The following PRKD1 variants were observed in gnomAD, a reference collection of about 807,000 sequenced individuals.
PRKD1 encodes serine/threonine-protein kinase D1.
A neutral mutation model predicts 95.9 loss-of-function variants in PRKD1; 63 were observed. That is an observed-to-expected ratio of 0.66 (90% CI 0.54 to 0.81). The LOEUF (loss-of-function observed/expected upper bound fraction) is 0.81. Ranked by LOEUF, PRKD1 falls within the 30% of genes least tolerant of loss-of-function variation. The probability of loss-of-function intolerance (pLI) is 0.00; values close to 1 mark genes in which losing one functional copy is unlikely to be tolerated. For synonymous variants in PRKD1, 425 were observed against 423.1 expected, an observed-to-expected ratio of 1.00 and a Z score of -0.05; for missense variants, 1,048 against 1,165.3, an observed-to-expected ratio of 0.90 and a Z score of 1.47.
intron 1 of PRKD1, among the ~76,000 whole-genome samples, chr14:29,731,733 C>A (rs995551549): frequency 1.3e-5 from 2 of 152,058 alleles, no homozygotes; most frequent in South Asian, 2.1e-4. Flanking sequence ...GAACATATAA[C>A]CATTTTAAAC....
chr14:29,618,317 A>G (rs1390178548), intron 13 of PRKD1, among the ~76,000 whole-genome samples: 1 of 148,670 alleles, frequency 6.7e-6, no homozygotes, highest in Non-Finnish European at 1.5e-5. Flanking sequence ...CAGTGGTATG[A>G]TCTCTCCTCA....
intron 1 of PRKD1, among the ~76,000 whole-genome samples, chr14:29,740,239 T>C (rs1014572949): frequency 6.6e-6 from 1 of 152,294 alleles, no homozygotes. Flanking sequence ...AAACTGTCAC[T>C]ATAGCACAAT....
At chr14:29,709,860 T>C (rs1162770810) in intron 2 of PRKD1, among the ~76,000 whole-genome samples, 2 of 152,158 alleles carry the variant, frequency 1.3e-5, no homozygotes, top group Non-Finnish European at 2.9e-5. Context: ...CCAATATAAA[T>C]ATTAATCTCA....
chr14:29,590,458 C>A (rs1426855561), intron 16 of PRKD1, among the ~76,000 whole-genome samples: 1 of 152,166 alleles, frequency 6.6e-6, no homozygotes, highest in Non-Finnish European at 1.5e-5. Context: ...TAACACCACT[C>A]ATTCACTCTG....
chr14:29,649,808 G>A (rs1314231083), intron 4 of PRKD1, among the ~76,000 whole-genome samples: 1 of 152,140 alleles, frequency 6.6e-6, no homozygotes, highest in African/African-American at 2.4e-5. Context: ...AATGGAGTGG[G>A]TTTTGACGAT....
chr14:29,639,721 T>C (rs1318848205), intron 4 of PRKD1, among the ~76,000 whole-genome samples: 2 of 151,606 alleles, frequency 1.3e-5, no homozygotes, highest in African/African-American at 4.8e-5. Flanking sequence ...AAAAAATAAA[T>C]ATGATTTTAC....
At chr14:29,822,701 A>T (rs533221998) in intron 1 of PRKD1, among the ~76,000 whole-genome samples, 1 of 152,128 alleles carries the variant, frequency 6.6e-6, no homozygotes, top group Non-Finnish European at 1.5e-5. Flanking sequence ...AAAAATGTAG[A>T]TCTAAGTACA....
chr14:29,704,443 A>G (rs1884982589), intron 2 of PRKD1, among the ~76,000 whole-genome samples: 2 of 152,138 alleles, frequency 1.3e-5, no homozygotes, highest in Admixed American at 1.3e-4. Context: ...TTTACAACAC[A>G]TTACTATCCT....
At position 29,674,478 on chromosome 14, in the gene PRKD1, G is replaced by A. The variant is rs573647942; in HGVS notation, c.404-8270C>T. The stretch of plus-strand genomic sequence containing the variant: ...GAATGACAAATGCCACAGCTGGAAA[G>A]AGATTAGAGAGCATCTCAGGTCAAG... On this transcript the variant is annotated intron_variant, in intron 2 of 17. Transcript: ENST00000331968. 4.6e-5 allele frequency among the ~76,000 whole-genome samples: 7 copies of A among 152,308 alleles called. No individual in the cohort carries two copies. The East Asian group carries it at 1.4e-3, about 29-fold the overall frequency.
intron 1 of PRKD1, among the ~76,000 whole-genome samples, chr14:29,901,923 G>C (rs1894332873): frequency 6.6e-6 from 1 of 152,120 alleles, no homozygotes; most frequent in African/African-American, 2.4e-5. Flanking sequence ...AAAGCTCTTT[G>C]ACTTTGTACC....
At chr14:29,819,526 T>C (rs769202264) in intron 1 of PRKD1, among the ~76,000 whole-genome samples, 10 of 151,826 alleles carry the variant, frequency 6.6e-5, no homozygotes, top group Non-Finnish European at 1.0e-4. Context: ...CCGTCCCTAC[T>C]AAAAATACAA....
At chr14:29,652,097 A>C (rs551545237) in intron 4 of PRKD1, among the ~76,000 whole-genome samples, 1 of 152,242 alleles carries the variant, frequency 6.6e-6, no homozygotes, top group Admixed American at 6.5e-5. Flanking sequence ...GCAGTCGGTA[A>C]TTAAGGGAGC....
chr14:29,849,267 C>T (rs1230693988), intron 1 of PRKD1, among the ~76,000 whole-genome samples: 1 of 152,196 alleles, frequency 6.6e-6, no homozygotes, highest in Non-Finnish European at 1.5e-5. Flanking sequence ...GACATGCGTG[C>T]CCGCTTCTCA....
intron 1 of PRKD1, among the ~76,000 whole-genome samples, chr14:29,831,719 T>A (rs1226336014): frequency 6.6e-6 from 1 of 152,182 alleles, no homozygotes; most frequent in South Asian, 2.1e-4. Context: ...TCTTACTCTC[T>A]TTTGTTCTCC....
At chr14:29,778,809 A>G (rs577010578) in intron 1 of PRKD1, among the ~76,000 whole-genome samples, 1 of 152,356 alleles carries the variant, frequency 6.6e-6, no homozygotes, top group East Asian at 1.9e-4. Flanking sequence ...TCATCCTGAT[A>G]CCAAAGCCTG....
chr14:29,826,945 A>G (rs1244423761), intron 1 of PRKD1, among the ~76,000 whole-genome samples: 1 of 143,844 alleles, frequency 7.0e-6, no homozygotes, highest in Non-Finnish European at 1.5e-5. Flanking sequence ...ATGGGATTGG[A>G]GACTATTATC....
At chr14:29,887,142 T>C (rs1893738577) in intron 1 of PRKD1, among the ~76,000 whole-genome samples, 1 of 152,190 alleles carries the variant, frequency 6.6e-6, no homozygotes, top group South Asian at 2.1e-4. Flanking sequence ...TATAAAACTT[T>C]CTAGTGGTGG....
intron 14 of PRKD1, 133 bp downstream of exon 14, chr14:29,599,523 C>A: frequency 1.3e-6 from 1 of 791,492 alleles, no homozygotes; most frequent in Non-Finnish European, 1.9e-6. Flanking sequence ...TACAATAAAG[C>A]CACTACAACC....
chr14:29,860,928 C>A (rs946190826), intron 1 of PRKD1, among the ~76,000 whole-genome samples: 2 of 152,154 alleles, frequency 1.3e-5, no homozygotes, highest in South Asian at 4.2e-4. Flanking sequence ...TTTATCTTCC[C>A]CAATTATGGG....
Sources: allele counts gnomAD v4.1 joint callset (sites outside exome capture counted in the v4.1 genomes callset), GRCh38; gene constraint gnomAD v4.1.1; transcripts MANE v1.5; gene names NCBI Gene and HGNC (gene_info 2026-07-23, HGNC 2026-07-21).